TBC1D1: variants seen among roughly 807,000 people sequenced by gnomAD.
The protein encoded by TBC1D1 is TBC1 domain family member 1.
TBC1D1 carries 89 observed loss-of-function variants against 125.6 expected under a neutral mutation model. The observed-to-expected ratio is 0.71, with a 90% CI of 0.60 to 0.85. The LOEUF is 0.85. Among genes scored for constraint, TBC1D1 ranks in the 40% least tolerant of loss-of-function variants. The probability of loss-of-function intolerance (pLI) is 0.00; values close to 1 mark genes in which losing one functional copy is unlikely to be tolerated. For synonymous variants in TBC1D1, 565 were observed against 564.1 expected (o/e 1.00, Z -0.02); for missense variants, 1,377 against 1,469.2 (o/e 0.94, Z 1.03).
At chr4:38,020,543 G>T in intron 4 of TBC1D1, 48 bp from the exon 5 acceptor site, 1 of 1,457,772 alleles carries the variant, frequency 6.9e-7, no homozygotes, top group African/African-American at 1.4e-5. Context: ...TCTGAGGATG[G>T]TGCGTCTTCT....
At chr4:37,970,283 G>T (rs1297296355) in intron 2 of TBC1D1, among the ~76,000 whole-genome samples, 1 of 152,098 alleles carries the variant, frequency 6.6e-6, no homozygotes, top group Admixed American at 6.6e-5. Flanking sequence ...TCAGGATTTG[G>T]TATTATCCTT....
intron 12 of TBC1D1, among the ~76,000 whole-genome samples, chr4:38,055,222 T>A (rs999276481): frequency 2.6e-5 from 4 of 152,186 alleles, no homozygotes; most frequent in African/African-American, 9.7e-5. Flanking sequence ...CTGACATTGC[T>A]GGTGCATATC....
intron 12 of TBC1D1, among the ~76,000 whole-genome samples, chr4:38,083,500 GACA>G (rs1301159811): frequency 6.6e-6 from 1 of 152,202 alleles, no homozygotes; most frequent in African/African-American, 2.4e-5. Context: ...CACAAAAACT[GACA>G]ACAATGATGG....
intron 12 of TBC1D1, among the ~76,000 whole-genome samples, chr4:38,056,808 G>A (rs1008577217): frequency 6.6e-6 from 1 of 151,778 alleles, no homozygotes; most frequent in African/African-American, 2.4e-5. Context: ...ACCTTGTCTC[G>A]CGGGGTGGGG....
At chr4:37,908,151 T>G (rs1483798660) in intron 2 of TBC1D1, among the ~76,000 whole-genome samples, 2 of 152,058 alleles carry the variant, frequency 1.3e-5, no homozygotes, top group Non-Finnish European at 2.9e-5. Flanking sequence ...TCGAGGGCAG[T>G]GGGCAGAGTG....
chr4:38,052,152 C>A, intron 11 of TBC1D1, 92 bp downstream of exon 12: 3 of 1,307,406 alleles, frequency 2.3e-6, no homozygotes, highest in Non-Finnish European at 2.1e-6. Flanking sequence ...AATGTCCATG[C>A]AGGAAGCAGA....
chr4:37,907,528 G>GCAC (rs1717596435), intron 2 of TBC1D1, among the ~76,000 whole-genome samples: 1 of 152,096 alleles, frequency 6.6e-6, no homozygotes, highest in Non-Finnish European at 1.5e-5. Context: ...TTACAGGCAT[G>GCAC]CACCATACAT....
chr4:38,105,836 C>T (rs1186787419), intron 15 of TBC1D1, among the ~76,000 whole-genome samples: 1 of 152,180 alleles, frequency 6.6e-6, no homozygotes, highest in Non-Finnish European at 1.5e-5. Context: ...ATCCGGTTCA[C>T]TGTTACTGGG....
chr4:37,927,696 A>G (rs1017771218), intron 2 of TBC1D1, among the ~76,000 whole-genome samples: 1 of 152,230 alleles, frequency 6.6e-6, no homozygotes, highest in Admixed American at 6.5e-5. Flanking sequence ...TGAGTGGCTT[A>G]AGTACAAATC....
rs560011151 is a variant in TBC1D1 at position 37,977,355 on chromosome 4, C to CCCGCCGCCG, written c.418-37138_418-37130dup. 4,928 of 251,744 alleles carry CCCGCCGCCG rather than the reference C, an allele frequency of 0.02. 294 individuals are homozygous for CCCGCCGCCG. Among genetic ancestry groups the CCCGCCGCCG allele is most frequent in the African/African-American group, 0.11 (4,613 of 41,172 alleles). The allele number at this position is 251,744 out of a possible 1,614,324, so 15.6% of individuals were successfully genotyped here. On this transcript the variant is annotated intron_variant, in intron 2 of 19. Transcript: ENST00000261439. This position sits in a 1 kb window ranked among gnomAD's most constrained non-coding sequence, Gnocchi z 4.3. ...CGGGGCAGTGACGAACTGGGTGGAG[C>CCCGCCGCCG]CCGCCGCCGCCGCCGCCGCCGCCGG... is the stretch of plus-strand genomic sequence containing the variant.
intron 2 of TBC1D1, among the ~76,000 whole-genome samples, chr4:37,953,360 G>A (rs539494082): frequency 1.3e-5 from 2 of 152,140 alleles, no homozygotes; most frequent in South Asian, 2.1e-4. Context: ...TTTCAAAGTG[G>A]CATGTGCAAT....
intron 15 of TBC1D1, chr4:38,110,728 C>CT: frequency 1.0e-6 from 1 of 985,296 alleles, no homozygotes. Flanking sequence ...CACTTCTCTG[C>CT]TTTGTGGTAA....
intron 2 of TBC1D1, among the ~76,000 whole-genome samples, chr4:37,956,086 T>C (rs1728882483): frequency 6.6e-6 from 1 of 151,976 alleles, no homozygotes; most frequent in Non-Finnish European, 1.5e-5. Context: ...AGTACCGGTG[T>C]CGTGATCTAG....
At chr4:38,112,004 G>T in intron 15 of TBC1D1, 4 of 985,422 alleles carry the variant, frequency 4.1e-6, no homozygotes, top group Non-Finnish European at 4.8e-6. Flanking sequence ...TGGAAGATGT[G>T]TTTTAGCTTG....
chr4:38,116,962 G>A (rs777280922), intron 16 of TBC1D1, among the ~76,000 whole-genome samples: 21 of 152,176 alleles, frequency 1.4e-4, no homozygotes, highest in Non-Finnish European at 1.6e-4. Flanking sequence ...ATCATAGAAG[G>A]AACTCATTCA....
At chr4:38,097,313 G>T (rs1272793721) in intron 14 of TBC1D1, among the ~76,000 whole-genome samples, 1 of 143,658 alleles carries the variant, frequency 7.0e-6, no homozygotes, top group Non-Finnish European at 1.5e-5. Flanking sequence ...CAGGCGCCCG[G>T]CACCATGCCT....
At chr4:37,895,388 A>T (rs1283184604) in intron 1 of TBC1D1, among the ~76,000 whole-genome samples, 1 of 152,148 alleles carries the variant, frequency 6.6e-6, no homozygotes, top group African/African-American at 2.4e-5. Context: ...ATAAGAAGTG[A>T]CAGTGCCATT....
chr4:37,921,565 C>A (rs1721006908), intron 2 of TBC1D1, among the ~76,000 whole-genome samples: 1 of 151,520 alleles, frequency 6.6e-6, no homozygotes, highest in Non-Finnish European at 1.5e-5. Flanking sequence ...CGCCACCATG[C>A]CCAGCTAATT....
At chr4:37,967,224 G>A (rs1731233159) in intron 2 of TBC1D1, among the ~76,000 whole-genome samples, 1 of 152,210 alleles carries the variant, frequency 6.6e-6, no homozygotes, top group African/African-American at 2.4e-5. Flanking sequence ...GCCGGGCACA[G>A]TGGCTCACAT....
Sources: allele counts gnomAD v4.1 joint callset (sites outside exome capture counted in the v4.1 genomes callset), GRCh38; gene constraint gnomAD v4.1.1; non-coding constraint Gnocchi (gnomAD v3.1); transcripts MANE v1.5; gene names NCBI Gene and HGNC (gene_info 2026-07-23, HGNC 2026-07-21).